The following DHRSX variants were observed in gnomAD, a reference collection of about 807,000 sequenced individuals.
The protein encoded by DHRSX is polyprenol dehydrogenase.
In DHRSX, 31 loss-of-function variants were observed where a neutral mutation model predicts 34.0. That is an observed-to-expected ratio of 0.91 (90% confidence interval 0.69 to 1.23). DHRSX has a LOEUF of 1.23. Ranked by LOEUF, DHRSX falls within the 50% of genes most tolerant of loss-of-function variation. DHRSX has a pLI of 0.00. For missense variants in DHRSX, 414 were observed against 428.1 expected (o/e 0.97, Z 0.29); for synonymous variants, 201 against 183.8 (o/e 1.09, Z -0.76).
At chrX:2,401,085 CT>C (rs1483287574) in intron 3 of DHRSX, among the ~76,000 whole-genome samples, 1 of 148,558 alleles carries the variant, frequency 6.7e-6, no homozygotes, top group African/African-American at 2.5e-5. Context: ...GCACAAGCTA[CT>C]GGAAGAATAA....
At chrX:2,388,219 C>T (rs7473062) in intron 3 of DHRSX, among the ~76,000 whole-genome samples, 35,388 of 152,028 alleles carry the variant, frequency 0.23, 5,400 homozygotes, top group Non-Finnish European at 0.35. Context: ...GTTGCAGAAA[C>T]GTTTTCAGGT....
At chrX:2,223,331 TC>T (rs2015563809) in intron 6 of DHRSX, among the ~76,000 whole-genome samples, 1 of 152,170 alleles carries the variant, frequency 6.6e-6, no homozygotes, top group South Asian at 2.1e-4. Context: ...ATGCCTTTGC[TC>T]CTCCTTCACC....
At chrX:2,252,194 G>A (rs755893816) in intron 5 of DHRSX, among the ~76,000 whole-genome samples, 98 of 152,136 alleles carry the variant, frequency 6.4e-4, no homozygotes, top group Non-Finnish European at 1.1e-3. Context: ...CTGATACCAC[G>A]CCATTGCACT....
chrX:2,404,968 T>C (rs2317099), intron 3 of DHRSX, among the ~76,000 whole-genome samples: 79,294 of 152,100 alleles, frequency 0.52, 20,950 homozygotes, highest in East Asian at 0.59. Context: ...CTCTGTGACA[T>C]TGTACACTGG....
chrX:2,257,955 A>G (rs983504265), intron 5 of DHRSX, among the ~76,000 whole-genome samples: 1 of 152,150 alleles, frequency 6.6e-6, no homozygotes, highest in Non-Finnish European at 1.5e-5. Context: ...GATGCGATTC[A>G]GGTAAAATGA....
intron 1 of DHRSX, among the ~76,000 whole-genome samples, chrX:2,491,429 C>T (rs1324380428): frequency 6.6e-6 from 1 of 152,158 alleles, no homozygotes; most frequent in Non-Finnish European, 1.5e-5. Context: ...TTCCCAAGCA[C>T]CTGCCACGTG....
At chrX:2,288,003 T>C (rs1193111286) in intron 4 of DHRSX, among the ~76,000 whole-genome samples, 1 of 152,184 alleles carries the variant, frequency 6.6e-6, no homozygotes, top group African/African-American at 2.4e-5. Flanking sequence ...AGGGCCTTTG[T>C]AGATGTGAAT....
At chrX:2,396,857 T>A (rs181791486) in intron 3 of DHRSX, among the ~76,000 whole-genome samples, 1,587 of 150,622 alleles carry the variant, frequency 0.011, 23 homozygotes, top group Non-Finnish European at 0.017. Flanking sequence ...CTCCGCCTCC[T>A]GGGTTCAAGC....
intron 4 of DHRSX, among the ~76,000 whole-genome samples, chrX:2,287,207 C>T (rs1164726573): frequency 1.3e-5 from 2 of 152,180 alleles, no homozygotes; most frequent in African/African-American, 2.4e-5. Flanking sequence ...CTCAAGATGT[C>T]CAGGTCCACA....
At chrX:2,473,196 G>GCA (rs1323404067) in intron 1 of DHRSX, among the ~76,000 whole-genome samples, 67 of 152,290 alleles carry the variant, frequency 4.4e-4, no homozygotes, top group African/African-American at 1.6e-3. Context: ...GACAACACGT[G>GCA]GGACGCCAAA....
chrX:2,484,951 C>G (rs1034949943), intron 1 of DHRSX, among the ~76,000 whole-genome samples: 12 of 152,026 alleles, frequency 7.9e-5, no homozygotes, highest in Non-Finnish European at 1.6e-4. Context: ...TGCCTCTTTA[C>G]TAAAACATCC....
chrX:2,462,535 CA>C (rs5901190), intron 1 of DHRSX, among the ~76,000 whole-genome samples: 92,206 of 148,714 alleles, frequency 0.62, 30,399 homozygotes, highest in African/African-American at 0.88. Context: ...AACTCCATCT[CA>C]AAAAAAAAAC....
At chrX:2,404,959 T>A (rs1047867295) in intron 3 of DHRSX, among the ~76,000 whole-genome samples, 2 of 152,240 alleles carry the variant, frequency 1.3e-5, no homozygotes, top group East Asian at 3.8e-4. Flanking sequence ...CTGCTGCCAC[T>A]CTGTGACATT....
rs775634983 is a variant in DHRSX, at chrX:2,243,264, G to C, written c.597-34C>G. Reference sequence around the variant, plus strand: ...CAAGCAGGAGAAGGTGTAAGAGGCTGACGGCGTTCACGCCTAAGTGCTTCA... The same window carrying C: ...CAAGCAGGAGAAGGTGTAAGAGGCTCACGGCGTTCACGCCTAAGTGCTTCA... On this transcript the variant is annotated intron_variant, in intron 5 of 6. Transcript: ENST00000334651. 8.8e-6 allele frequency: 14 copies of C among 1,593,632 alleles called. No individual in the cohort carries two copies. In the Admixed American group the frequency reaches 1.5e-4, roughly 17 times the overall value.
intron 3 of DHRSX, among the ~76,000 whole-genome samples, chrX:2,405,938 C>T (rs953089185): frequency 6.7e-6 from 1 of 149,176 alleles, no homozygotes; most frequent in Non-Finnish European, 1.5e-5. Context: ...CACACATAAA[C>T]ATGGCCGAGA....
At chrX:2,343,943 C>T (rs965132705) in intron 3 of DHRSX, among the ~76,000 whole-genome samples, 5 of 152,116 alleles carry the variant, frequency 3.3e-5, no homozygotes, top group Admixed American at 3.3e-4. Context: ...ACACAGGCTC[C>T]AGTACTCCAA....
chrX:2,493,386 T>C (rs5983121), intron 1 of DHRSX, among the ~76,000 whole-genome samples: 25,076 of 151,922 alleles, frequency 0.17, 2,682 homozygotes, highest in East Asian at 0.5. Context: ...AGGTTTACAT[T>C]CCATTATTAT....
At chrX:2,385,494 G>A (rs1356105914) in intron 3 of DHRSX, among the ~76,000 whole-genome samples, 1 of 150,802 alleles carries the variant, frequency 6.6e-6, no homozygotes, top group Non-Finnish European at 1.5e-5. Flanking sequence ...CAGGGTGCTG[G>A]CAGCCAGAAC....
intron 2 of DHRSX, among the ~76,000 whole-genome samples, chrX:2,421,062 T>C (rs5939092): frequency 0.69 from 104,643 of 152,006 alleles, 37,306 homozygotes; most frequent in East Asian, 0.93. Context: ...ATATGAGGAA[T>C]GGAACTGCGT....
Sources: gnomAD v4.1 joint callset for allele counts (sites outside exome capture counted in the v4.1 genomes callset) on GRCh38, gnomAD v4.1.1 for gene constraint, MANE v1.5 for transcripts, NCBI Gene and HGNC (gene_info 2026-07-23, HGNC 2026-07-21) for gene names.